Variants in GNB1 observed in about 807,000 individuals in gnomAD.
The protein encoded by GNB1 is guanine nucleotide-binding protein G(I)/G(S)/G(T) subunit beta-1.
Under a neutral mutation model 42.9 loss-of-function variants are expected in GNB1, and 2 were observed. That is an observed-to-expected ratio of 0.05 (90% confidence interval 0.02 to 0.15). The LOEUF is 0.15. GNB1 is among the 10% of genes least tolerant of loss of function. The pLI is 1.00. For synonymous variants in GNB1, 183 were observed against 174.7 expected, an observed-to-expected ratio of 1.05 and a Z score of -0.38; for missense variants, 193 against 462.2, an observed-to-expected ratio of 0.42 and a Z score of 5.34.
At chr1:1,811,380 G>C (rs35680330) in intron 5 of GNB1, among the ~76,000 whole-genome samples, 1 of 151,608 alleles carries the variant, frequency 6.6e-6, no homozygotes, top group African/African-American at 2.4e-5. Flanking sequence ...GAGCCACCGC[G>C]TCTAGCCTCA....
chr1:1,883,996 A>C (rs1313813020), intron 1 of GNB1, among the ~76,000 whole-genome samples: 1 of 135,004 alleles, frequency 7.4e-6, no homozygotes, highest in Non-Finnish European at 1.6e-5. Flanking sequence ...ACCGAGTTTC[A>C]CTCTTGTTGC....
intron 7 of GNB1, among the ~76,000 whole-genome samples, chr1:1,799,255 G>GT (rs1461599087): frequency 9.9e-5 from 15 of 152,078 alleles, no homozygotes; most frequent in African/African-American, 2.4e-4. Context: ...GTGTGTGTGT[G>GT]TTTTTTTTAA....
chr1:1,832,247 C>T (rs1338859958), intron 2 of GNB1: 1 of 152,050 alleles, frequency 6.6e-6, no homozygotes, highest in Non-Finnish European at 1.5e-5. Context: ...ATTGCTCTTG[C>T]TTTTCTCTTC....
chr1:1,834,770 G>A (rs191124899), intron 2 of GNB1, among the ~76,000 whole-genome samples: 8 of 149,868 alleles, frequency 5.3e-5, no homozygotes, highest in Non-Finnish European at 1.0e-4. Flanking sequence ...CCGGGTTCAT[G>A]CCATTCTCCT....
chr1:1,838,441 T>C (rs1450304178), intron 2 of GNB1, among the ~76,000 whole-genome samples: 1 of 143,670 alleles, frequency 7.0e-6, no homozygotes, highest in African/African-American at 2.6e-5. Context: ...CTTACTTTTT[T>C]TTCTTTTCTT....
intron 5 of GNB1, among the ~76,000 whole-genome samples, chr1:1,812,510 CA>C (rs1646796398): frequency 6.6e-6 from 1 of 152,026 alleles, no homozygotes; most frequent in Non-Finnish European, 1.5e-5. Flanking sequence ...TTACAACAAG[CA>C]ATCTCTAGAA....
intron 7 of GNB1, among the ~76,000 whole-genome samples, chr1:1,802,858 G>C (rs947020029): frequency 1.3e-5 from 2 of 151,990 alleles, no homozygotes; most frequent in Non-Finnish European, 2.9e-5. Flanking sequence ...GATTCTATTT[G>C]AAAAGGAAGC....
At chr1:1,811,465 C>G (rs1024087421) in intron 5 of GNB1, among the ~76,000 whole-genome samples, 1 of 150,344 alleles carries the variant, frequency 6.7e-6, no homozygotes, top group Non-Finnish European at 1.5e-5. Context: ...GAGGCCGAGG[C>G]GAGCGGATCA....
intron 1 of GNB1, among the ~76,000 whole-genome samples, chr1:1,856,590 G>C (rs1230530015): frequency 6.6e-6 from 1 of 152,118 alleles, no homozygotes; most frequent in African/African-American, 2.4e-5. Flanking sequence ...ACGACGCCCA[G>C]CTAACTTTTG....
intron 5 of GNB1, among the ~76,000 whole-genome samples, chr1:1,807,805 T>G (rs554450347): frequency 3.3e-5 from 5 of 151,924 alleles, no homozygotes; most frequent in Admixed American, 2.0e-4. Context: ...CCTCCGGGGT[T>G]CATGCCATTC....
chr1:1,854,042 T>C (rs887219038), intron 1 of GNB1, among the ~76,000 whole-genome samples: 3 of 152,186 alleles, frequency 2.0e-5, no homozygotes, highest in African/African-American at 7.2e-5. Context: ...GCACCACAGC[T>C]CAGGGGAGTC....
chr1:1,883,955 A>G (rs553939418), intron 1 of GNB1, among the ~76,000 whole-genome samples: 12 of 151,572 alleles, frequency 7.9e-5, no homozygotes, highest in African/African-American at 2.4e-4. Flanking sequence ...ATCTAATTAT[A>G]AAGTGTCCGG....
chr1:1,806,100 ATGATCTCT>A (rs778450788), intron 6 of GNB1, among the ~76,000 whole-genome samples: 3 of 152,330 alleles, frequency 2.0e-5, no homozygotes, highest in Non-Finnish European at 4.4e-5. Context: ...TGTCTTTCAG[ATGATCTCT>A]TCTAAAAACT....
At chr1:1,844,103 G>C (rs575339623) in intron 1 of GNB1, among the ~76,000 whole-genome samples, 2 of 151,980 alleles carry the variant, frequency 1.3e-5, no homozygotes, top group African/African-American at 4.8e-5. Context: ...GGTGAGGCAG[G>C]AGAATGGCGT....
chr1:1,848,387 A>G (rs530985202), intron 1 of GNB1, among the ~76,000 whole-genome samples: 11 of 151,726 alleles, frequency 7.2e-5, no homozygotes, highest in African/African-American at 2.7e-4. Context: ...AAAAGAAAAA[A>G]TAAAACGAAA....
chr1:1,869,596 A>T (rs189827149), intron 1 of GNB1, among the ~76,000 whole-genome samples: 22 of 152,256 alleles, frequency 1.4e-4, no homozygotes, highest in Admixed American at 1.2e-3. Context: ...AAAAACAAGG[A>T]GGTGGCAGTA....
chr1:1,884,559 T>C (rs1005814630), intron 1 of GNB1, among the ~76,000 whole-genome samples: 6 of 151,952 alleles, frequency 3.9e-5, no homozygotes, highest in African/African-American at 1.5e-4. Flanking sequence ...AGAAGTTGAG[T>C]GTCTGTAATC....
At chr1:1,880,105 A>C (rs183609686) in intron 1 of GNB1, among the ~76,000 whole-genome samples, 1 of 151,396 alleles carries the variant, frequency 6.6e-6, no homozygotes, top group African/African-American at 2.4e-5. Context: ...CTAATTTTCA[A>C]ATTTTTTTGT....
At chr1:1,807,851 GCGCCCACCATCA>G (rs1286303670) in intron 5 of GNB1, among the ~76,000 whole-genome samples, 6 of 151,938 alleles carry the variant, frequency 3.9e-5, no homozygotes, top group Admixed American at 3.9e-4. Context: ...GGGACTACAG[GCGCCCACCATCA>G]CGCCCAGCTA....
Sources: allele counts gnomAD v4.1 joint callset (sites outside exome capture counted in the v4.1 genomes callset), GRCh38; gene constraint gnomAD v4.1.1; transcripts MANE v1.5; gene names NCBI Gene and HGNC (gene_info 2026-07-23, HGNC 2026-07-21).